GAB2: variants seen among roughly 807,000 people sequenced by gnomAD.
GAB2 encodes the protein GRB2-associated-binding protein 2.
A neutral mutation model predicts 65.5 loss-of-function variants in GAB2; 26 were observed. The observed-to-expected ratio is 0.40, with a 90% CI of 0.29 to 0.55. GAB2 has a LOEUF of 0.55. Among genes scored for constraint, GAB2 ranks in the 20% least tolerant of loss-of-function variants. GAB2 has a pLI of 0.53. For missense variants in GAB2, 884 were observed against 875.8 expected, an observed-to-expected ratio of 1.01 and a Z score of -0.12; for synonymous variants, 321 against 329.6, an observed-to-expected ratio of 0.97 and a Z score of 0.28.
Position 78,219,401 on chromosome 11 carries a change from G to A in GAB2, c.1902C>T (p.Ser634=), listed in dbSNP as rs61749244. 0.023 allele frequency: 37,071 copies of A among 1,613,652 alleles called. 573 individuals are homozygous for A. The highest frequency in any genetic ancestry group is 0.027 in the Non-Finnish European group (32,110 of 1,179,682). The change falls in exon 10 of 10, where the codon TCC becomes TCT. Residue 634 remains serine, a synonymous_variant. Transcript: ENST00000361507. ...PSPHRKPSTS[S]VTSDEKVDYV... Reference sequence around the variant, plus strand: ...AGTCCACCTTCTCATCAGAGGTGACGGATGAAGTAGATGGCTGAGGGGACA... The same window carrying A: ...AGTCCACCTTCTCATCAGAGGTGACAGATGAAGTAGATGGCTGAGGGGACA...
At chr11:78,259,969 G>A (rs1262770497) in intron 2 of GAB2, among the ~76,000 whole-genome samples, 1 of 152,170 alleles carries the variant, frequency 6.6e-6, no homozygotes, top group Admixed American at 6.5e-5. Flanking sequence ...ACACTAACTG[G>A]ACCAGATCTG....
intron 2 of GAB2, among the ~76,000 whole-genome samples, chr11:78,279,906 C>T (rs887094262): frequency 2.0e-5 from 3 of 152,128 alleles, no homozygotes; most frequent in Admixed American, 1.3e-4. Context: ...AATATGCCTG[C>T]GAGTAGAATT....
intron 2 of GAB2, among the ~76,000 whole-genome samples, chr11:78,258,289 G>T (rs1240832382): frequency 1.3e-5 from 2 of 152,032 alleles, no homozygotes; most frequent in African/African-American, 4.8e-5. Flanking sequence ...AGACAGAAGG[G>T]TTAGGGTCTA....
chr11:78,331,041 G>C lies in GAB2; in HGVS notation c.76-50140C>G, dbSNP rs893439374. On this transcript the variant is annotated intron_variant, in intron 1 of 9. Transcript: ENST00000361507. ...AATACAAAAATTACCAGGGCATGGT[G>C]GTGGGCACCTGTAATCCCAGCTACT... Among the ~76,000 whole-genome samples the C allele has an allele frequency of 5.9e-5, 9 of 151,946 alleles. No individual in the cohort carries two copies. In the South Asian group the frequency reaches 1.7e-3, roughly 28 times the overall value.
intron 3 of GAB2, among the ~76,000 whole-genome samples, chr11:78,249,602 A>T (rs529610511): frequency 6.6e-6 from 1 of 152,216 alleles, no homozygotes; most frequent in South Asian, 2.1e-4. Context: ...AATTTTCTGT[A>T]TCTGTGCTGT....
intron 1 of GAB2, among the ~76,000 whole-genome samples, chr11:78,293,213 C>T (rs1866727624): frequency 6.6e-6 from 1 of 152,194 alleles, no homozygotes; most frequent in Non-Finnish European, 1.5e-5. Flanking sequence ...ACTCATTCAT[C>T]TGAGAAAGGG....
chr11:78,227,554 G>A (rs1283857825), intron 3 of GAB2, among the ~76,000 whole-genome samples: 1 of 151,550 alleles, frequency 6.6e-6, no homozygotes, highest in Non-Finnish European at 1.5e-5. Context: ...CTGCACTTTG[G>A]GAGGCTGAGG....
intron 1 of GAB2, among the ~76,000 whole-genome samples, chr11:78,317,770 C>T (rs1258614820): frequency 6.6e-6 from 1 of 151,986 alleles, no homozygotes; most frequent in Non-Finnish European, 1.5e-5. Flanking sequence ...GGAGATCAGC[C>T]CTAAACAGCC....
intron 2 of GAB2, among the ~76,000 whole-genome samples, chr11:78,269,764 G>C (rs1306477673): frequency 6.6e-6 from 1 of 152,180 alleles, no homozygotes; most frequent in Non-Finnish European, 1.5e-5. Flanking sequence ...TAAAATTTTA[G>C]TAGAGAAAAG....
chr11:78,272,262 GT>G, intron 2 of GAB2, among the ~76,000 whole-genome samples: 1 of 152,220 alleles, frequency 6.6e-6, no homozygotes. Context: ...GGTTGGAACA[GT>G]TTGCGGGGCT....
intron 3 of GAB2, among the ~76,000 whole-genome samples, chr11:78,240,424 A>T (rs74695903): frequency 0.037 from 5,581 of 152,040 alleles, 344 homozygotes; most frequent in African/African-American, 0.13. Flanking sequence ...GAGCTGAGAC[A>T]CCCTGCCCTA....
rs1856570864 is a variant in GAB2, at chr11:78,371,489, T to G, written c.75+46157A>C. ...CTCTTACATAAGAGGGGCTGATTCT[T>G]TTCCTTCCCTCATTCAATCCCTCTT... On this transcript the variant is annotated intron_variant, in intron 1 of 9. Coordinates refer to ENST00000361507, the MANE Select transcript of GAB2 (RefSeq NM_080491.3). Among the ~76,000 whole-genome samples the G allele has an allele frequency of 2.6e-5, 4 of 152,198 alleles. No individual in the cohort carries two copies. In the South Asian group the frequency reaches 8.3e-4, roughly 32 times the overall value.
intron 2 of GAB2, among the ~76,000 whole-genome samples, chr11:78,261,030 G>A (rs1270514455): frequency 6.6e-6 from 1 of 152,036 alleles, no homozygotes; most frequent in Non-Finnish European, 1.5e-5. Context: ...GGCAACACTG[G>A]AAGACGCTGT....
At chr11:78,360,854 G>A (rs193107100) in intron 1 of GAB2, among the ~76,000 whole-genome samples, 1 of 151,820 alleles carries the variant, frequency 6.6e-6, no homozygotes. Context: ...GCAAAACTTC[G>A]TCTCAAAGAA....
chr11:78,393,660 A>G lies in GAB2; in HGVS notation c.75+23986T>C, dbSNP rs555121512. Among the ~76,000 whole-genome samples, 14 of 152,370 alleles carry G rather than the reference A, an allele frequency of 9.2e-5. 1 individual carries two copies. In the South Asian group the frequency reaches 2.9e-3, roughly 32 times the overall value. Reference sequence around the variant, plus strand: ...TCCTAAGGATAAAAGTCTTTGCTCTAAAGATCATCACAGCATTATCTATTA... The same window carrying G: ...TCCTAAGGATAAAAGTCTTTGCTCTGAAGATCATCACAGCATTATCTATTA... On this transcript the variant is annotated intron_variant, in intron 1 of 9. Transcript: ENST00000361507.
Position 78,222,193 on chromosome 11 carries a change from T to C in GAB2, c.1570A>G (p.Lys524Glu). The C allele has an allele frequency of 6.2e-7, 1 of 1,611,864 alleles. No individual in the cohort carries two copies. Among genetic ancestry groups the C allele is most frequent in the Non-Finnish European group, 8.5e-7 (1 of 1,177,916 alleles). ...NRNLKPDRKAKPTPLDLRNNT... is the reference protein window; with the variant it reads ...NRNLKPDRKAEPTPLDLRNNT... ...TTCCTCAGGTCAAGTGGTGTTGGCT[T>C]TGCTGGAGCAGGAAAAGAAAGTCTG... Residue 524 changes from lysine (K) to glutamate (E), a missense_variant and splice_region_variant, in exon 7 of 10, where the codon AAG becomes GAG. By Grantham distance (56) the Lys-to-Glu change is moderately conservative. Coordinates refer to ENST00000361507, the MANE Select transcript of GAB2 (RefSeq NM_080491.3).
intron 1 of GAB2, among the ~76,000 whole-genome samples, chr11:78,386,898 C>T (rs747765598): frequency 8.5e-5 from 13 of 152,174 alleles, no homozygotes; most frequent in Non-Finnish European, 1.9e-4. Flanking sequence ...TTGGAAGGCA[C>T]GGATTTACAT....
At chr11:78,417,493 G>A (rs1487325499) in intron 1 of GAB2, among the ~76,000 whole-genome samples, 153 bp downstream of exon 1, 14 of 150,318 alleles carry the variant, frequency 9.3e-5, no homozygotes, top group African/African-American at 2.9e-4. Context: ...AGGTGTGCAG[G>A]TGCCCCACAC....
At chr11:78,325,664 C>T (rs1855808855) in intron 1 of GAB2, among the ~76,000 whole-genome samples, 1 of 152,146 alleles carries the variant, frequency 6.6e-6, no homozygotes, top group Non-Finnish European at 1.5e-5. Flanking sequence ...GTGCCTTCTT[C>T]CTGACCACAG....
Sources: gnomAD v4.1 joint callset for allele counts (sites outside exome capture counted in the v4.1 genomes callset) on GRCh38, gnomAD v4.1.1 for gene constraint, MANE v1.5 for transcripts, NCBI Gene and HGNC (gene_info 2026-07-23, HGNC 2026-07-21) for gene names.